AGBL1: variants seen among roughly 807,000 people sequenced by gnomAD.
AGBL1 encodes the protein cytosolic carboxypeptidase 4.
A neutral mutation model predicts 118.9 loss-of-function variants in AGBL1; 130 were observed. That is an observed-to-expected ratio of 1.09 (90% CI 0.95 to 1.26). The LOEUF is 1.26. AGBL1 is among the 50% of genes most tolerant of loss of function. The pLI, the probability that AGBL1 is intolerant of heterozygous loss-of-function variation, is 0.00. For missense variants in AGBL1, 1,584 were observed against 1,298.1 expected (o/e 1.22, Z -3.38); for synonymous variants, 555 against 478.9 (o/e 1.16, Z -2.08).
At chr15:86,207,608 CTGTT>C (rs1597551854) in intron 5 of AGBL1, among the ~76,000 whole-genome samples, 2 of 152,124 alleles carry the variant, frequency 1.3e-5, no homozygotes, top group African/African-American at 2.4e-5. Context: ...ATTTGGCTCT[CTGTT>C]TGTCTGTTAT....
chr15:86,662,833 T>C (rs1479690986), intron 21 of AGBL1, among the ~76,000 whole-genome samples: 1 of 152,196 alleles, frequency 6.6e-6, no homozygotes, highest in African/African-American at 2.4e-5. Flanking sequence ...TACTAGCCAT[T>C]CCGCATGACC....
At position 86,438,214 on chromosome 15, in the gene AGBL1, G is replaced by GT. The variant is rs1272093741; in HGVS notation, c.2555+40675dup. The stretch of plus-strand genomic sequence containing the variant: ...AGCCACTGCACCCGGCCAAGCCTCA[G>GT]TTTTTTTATAAAGTGGTGAATGTTA... On this transcript the variant is annotated intron_variant, in intron 18 of 22. Coordinates refer to ENST00000614907, the MANE Select transcript of AGBL1 (RefSeq NM_001386094.1). Among the ~76,000 whole-genome samples the GT allele has an allele frequency of 3.3e-5, 5 of 152,126 alleles. No homozygotes were observed. The East Asian group carries it at 9.7e-4, about 29-fold the overall frequency.
intron 23 of AGBL1, among the ~76,000 whole-genome samples, chr15:86,949,071 GA>G (rs1172459185): frequency 6.6e-6 from 1 of 151,354 alleles, no homozygotes; most frequent in African/African-American, 2.4e-5. Context: ...AAAAACTGCA[GA>G]AAAAGTCACG....
intron 17 of AGBL1, among the ~76,000 whole-genome samples, chr15:86,337,564 G>C (rs2080392716): frequency 6.6e-6 from 1 of 152,334 alleles, no homozygotes; most frequent in African/African-American, 2.4e-5. Flanking sequence ...CAGGGACATG[G>C]ATGAAGCTGG....
chr15:86,729,627 C>T (rs963576392), intron 22 of AGBL1, among the ~76,000 whole-genome samples: 11 of 152,200 alleles, frequency 7.2e-5, no homozygotes, highest in East Asian at 5.8e-4. Flanking sequence ...TTTATGGCTG[C>T]ATAGTATTCC....
chr15:86,969,033 AC>A (rs2081081894), intron 23 of AGBL1, among the ~76,000 whole-genome samples: 1 of 151,954 alleles, frequency 6.6e-6, no homozygotes, highest in Admixed American at 6.6e-5. Context: ...TTGAGGAGAA[AC>A]ATTTAAATCA....
At chr15:86,653,802 T>A (rs932156675) in intron 21 of AGBL1, among the ~76,000 whole-genome samples, 2 of 152,094 alleles carry the variant, frequency 1.3e-5, no homozygotes, top group African/African-American at 4.8e-5. Context: ...ATAAACACGA[T>A]CACCTTGGGC....
chr15:86,742,110 A>C (rs1272644885), intron 22 of AGBL1, among the ~76,000 whole-genome samples: 1 of 152,080 alleles, frequency 6.6e-6, no homozygotes, highest in African/African-American at 2.4e-5. Flanking sequence ...GCAGTGAGGC[A>C]TTGAGCCATC....
intron 18 of AGBL1, among the ~76,000 whole-genome samples, chr15:86,498,746 A>G (rs2082883565): frequency 6.6e-6 from 1 of 151,966 alleles, no homozygotes; most frequent in South Asian, 2.1e-4. Context: ...CAATTTAGGA[A>G]AAGGAAAGGA....
At chr15:87,003,611 C>A (rs1056928625) in intron 24 of AGBL1, among the ~76,000 whole-genome samples, 1 of 152,022 alleles carries the variant, frequency 6.6e-6, no homozygotes, top group Non-Finnish European at 1.5e-5. Flanking sequence ...TGGTCCTGGA[C>A]TTTTTTTGGT....
intron 5 of AGBL1, among the ~76,000 whole-genome samples, chr15:86,210,900 T>G (rs931580773): frequency 1.3e-5 from 2 of 152,240 alleles, no homozygotes; most frequent in Admixed American, 6.5e-5. Context: ...AAAGGCACTC[T>G]GGTTTTTAGA....
chr15:86,479,676 G>A (rs1243448642), intron 18 of AGBL1, among the ~76,000 whole-genome samples: 1 of 152,180 alleles, frequency 6.6e-6, no homozygotes, highest in Non-Finnish European at 1.5e-5. Context: ...AGACAGTGTG[G>A]CGATTCTTCA....
chr15:86,601,199 T>C (rs1245372493), intron 21 of AGBL1, among the ~76,000 whole-genome samples: 1 of 152,174 alleles, frequency 6.6e-6, no homozygotes, highest in East Asian at 1.9e-4. Flanking sequence ...GTAGTCATTT[T>C]GTCAAAAGAA....
intron 21 of AGBL1, among the ~76,000 whole-genome samples, chr15:86,597,964 T>A (rs1228409056): frequency 6.6e-6 from 1 of 152,126 alleles, no homozygotes; most frequent in African/African-American, 2.4e-5. Flanking sequence ...GTCCTGATCA[T>A]CCTGAGCTGA....
chr15:86,554,609 CTG>C, intron 21 of AGBL1, 72 bp downstream of exon 21: 1 of 1,332,702 alleles, frequency 7.5e-7, no homozygotes, highest in African/African-American at 1.5e-5. Flanking sequence ...CAGCTCGTAC[CTG>C]CTTTCTCACC....
At chr15:86,247,550 T>G (rs2078740587) in intron 6 of AGBL1, 121 bp from the exon 7 acceptor site, 2 of 1,118,154 alleles carry the variant, frequency 1.8e-6, no homozygotes, top group South Asian at 2.7e-5. Flanking sequence ...GTTTTCATAC[T>G]AAAATGTTAT....
intron 5 of AGBL1, among the ~76,000 whole-genome samples, chr15:86,222,597 T>C (rs976217257): frequency 3.9e-5 from 6 of 152,176 alleles, no homozygotes; most frequent in African/African-American, 1.4e-4. Context: ...TATTGGACTT[T>C]GGCCTCAAAT....
chr15:86,634,450 A>T (rs772238358), intron 21 of AGBL1, among the ~76,000 whole-genome samples: 1 of 152,204 alleles, frequency 6.6e-6, no homozygotes, highest in Non-Finnish European at 1.5e-5. Flanking sequence ...AAAGAAGCCC[A>T]TCATGAAATA....
At chr15:86,482,940 G>A (rs1175707083) in intron 18 of AGBL1, among the ~76,000 whole-genome samples, 1 of 151,994 alleles carries the variant, frequency 6.6e-6, no homozygotes, top group Non-Finnish European at 1.5e-5. Flanking sequence ...TGTCTGCAGG[G>A]GGGCCATTCT....
Sources: gnomAD v4.1 joint callset for allele counts (sites outside exome capture counted in the v4.1 genomes callset) on GRCh38, gnomAD v4.1.1 for gene constraint, MANE v1.5 for transcripts, NCBI Gene and HGNC (gene_info 2026-07-23, HGNC 2026-07-21) for gene names.